GCNT4: variants seen among roughly 807,000 people sequenced by gnomAD.
GCNT4 encodes glucosaminyl (N-acetyl) transferase 4, also known as beta-1,3-galactosyl-O-glycosyl-glycoprotein beta-1,6-N-acetylglucosaminyltransferase 4.
GCNT4 carries 17 observed loss-of-function variants against 31.3 expected under a neutral mutation model. The ratio of observed to expected loss-of-function variants is 0.54; its 90% CI spans 0.37 to 0.81. The LOEUF is 0.81. Among genes scored for constraint, GCNT4 ranks in the 40% least tolerant of loss-of-function variants. The probability of loss-of-function intolerance (pLI) is 0.00; values close to 1 mark genes in which losing one functional copy is unlikely to be tolerated. For synonymous variants in GCNT4, 158 were observed against 190.6 expected (o/e 0.83, Z 1.41); for missense variants, 503 against 525.5 (o/e 0.96, Z 0.42).
chr5:75,034,034 G>A (rs539148097), intron 3 of GCNT4, among the ~76,000 whole-genome samples: 4 of 152,106 alleles, frequency 2.6e-5, no homozygotes, highest in Non-Finnish European at 4.4e-5. Context: ...TTTTATGGCC[G>A]CACAGAAATA....
chr5:75,032,888 T>G (rs904361378), intron 3 of GCNT4, among the ~76,000 whole-genome samples: 1 of 104,542 alleles, frequency 9.6e-6, no homozygotes, highest in South Asian at 3.0e-4. Flanking sequence ...TGTGTGTGTG[T>G]GTGTGTGTGT....
chr5:75,034,143 C>T (rs1743145714), intron 3 of GCNT4, among the ~76,000 whole-genome samples: 1 of 152,224 alleles, frequency 6.6e-6, no homozygotes, highest in Admixed American at 6.5e-5. Flanking sequence ...ATGTTGGCCT[C>T]TTCCCAGCTG....
chr5:75,028,745 C>T lies in GCNT4; in HGVS notation c.1293G>A (p.Gln431=). 1 of 1,613,972 alleles carries T rather than the reference C, an allele frequency of 6.2e-7. No individual in the cohort carries two copies. Among genetic ancestry groups the T allele is most frequent in the Non-Finnish European group, 8.5e-7 (1 of 1,179,952 alleles). Residue 431 remains glutamine (Q), a synonymous_variant, in exon 4 of 4, where the codon CAG becomes CAA. Transcript: ENST00000652361. ...AGGGCAAAGTGATCCAGTCTCTCTG[C>T]TGTTCTTCAAGCTTTTCTGCCAAGC... ...IKCLAEKLEE[Q]QRDWITLPSE...
intron 3 of GCNT4, among the ~76,000 whole-genome samples, chr5:75,036,280 C>G (rs1227410036): frequency 6.6e-6 from 1 of 152,150 alleles, no homozygotes; most frequent in African/African-American, 2.4e-5. Flanking sequence ...GTGCACTATT[C>G]TAAGTACTCT....
chr5:75,053,008 G>C (rs112592638), upstream of GCNT4, among the ~76,000 whole-genome samples: 1 of 151,954 alleles, frequency 6.6e-6, no homozygotes. Context: ...GCCCGGCGCC[G>C]GCGCGCTCGC....
intron 3 of GCNT4, among the ~76,000 whole-genome samples, chr5:75,043,615 C>A (rs1056700445): frequency 5.9e-5 from 9 of 152,108 alleles, no homozygotes; most frequent in Non-Finnish European, 1.0e-4. Flanking sequence ...ACCTTGAGAC[C>A]ATGAGGAACA....
At chr5:75,042,220 C>A (rs1249487592) in intron 3 of GCNT4, among the ~76,000 whole-genome samples, 1 of 152,116 alleles carries the variant, frequency 6.6e-6, no homozygotes, top group African/African-American at 2.4e-5. Flanking sequence ...TTTTATGTTT[C>A]ATGTTCTAAG....
chr5:75,030,005 G>C lies in GCNT4; in HGVS notation c.33C>G (p.Thr11=). 6.2e-7 allele frequency: 1 copy of C among 1,604,960 alleles called. No individual in the cohort carries two copies. Among genetic ancestry groups the C allele is most frequent in the Non-Finnish European group, 8.5e-7 (1 of 1,177,218 alleles). The change falls in exon 4 of 4, where the codon ACC becomes ACG. Residue 11 remains threonine, a synonymous_variant. Transcript: ENST00000652361. MKIFKCYFKH[T]LQQKVFILFL... ...ACAGGATGAAAACTTTCTGCTGTAG[G>C]GTATGTTTAAAATAACATTTGAATA...
rs1284920656 is a variant in GCNT4, at chr5:75,029,379, C to T, written c.659G>A (p.Trp220Ter). 1.2e-6 allele frequency: 2 copies of T among 1,613,944 alleles called. No individual in the cohort carries two copies. The highest frequency in any genetic ancestry group is 1.7e-6 in the Non-Finnish European group (2 of 1,180,006). Residue 220 changes from tryptophan to a stop codon, truncating the protein, a stop_gained, in exon 4 of 4, where the codon TGG (tryptophan) becomes TAG (stop). Coordinates refer to ENST00000652361, the MANE Select transcript of GCNT4 (RefSeq NM_001366737.1). LOFTEE classifies it high-confidence loss of function. Reference sequence around the variant, plus strand: ...CCCACACAAGTTGATAACATATTTCCACTGGATTGAAGACTTCAGAAGGTC... The same window carrying T: ...CCCACACAAGTTGATAACATATTTCTACTGGATTGAAGACTTCAGAAGGTC... The part of the protein sequence containing the change: ...LSDLLKSSIQ[W>*]KYVINLCGQD...
Position 75,046,825 on chromosome 5 carries a change from A to T in GCNT4, c.-2+1072T>A, listed in dbSNP as rs567420244. Among the ~76,000 whole-genome samples the T allele has an allele frequency of 2.6e-5, 4 of 152,370 alleles. No individual in the cohort carries two copies. The South Asian group carries it at 8.3e-4, about 32-fold the overall frequency. ...TACGCCACTCTGATATTGACTTTTGAGTTAACGGCACTTGCAAAATAGCAG... is the reference window on the plus strand; with the variant it reads ...TACGCCACTCTGATATTGACTTTTGTGTTAACGGCACTTGCAAAATAGCAG... On this transcript the variant is annotated intron_variant, in intron 3 of 3. Transcript: ENST00000652361.
In GCNT4 at chr5:75,047,954, G is replaced by T. The variant is rs1435735896; in HGVS notation, c.-59C>A. 2 of 152,152 alleles carry T rather than the reference G, an allele frequency of 1.3e-5. No homozygotes were observed. Among genetic ancestry groups the T allele is most frequent in the African/African-American group, 4.8e-5 (2 of 41,448 alleles). 9.4% of individuals were successfully genotyped at this position (152,152 alleles called of 1,614,324 possible). Reference sequence around the variant, plus strand: ...GATGGTATAAACAGCGTAGGGAAAGGAACATCACCGTCAGTTACTGAGGAG... The same window carrying T: ...GATGGTATAAACAGCGTAGGGAAAGTAACATCACCGTCAGTTACTGAGGAG... On this transcript the variant is annotated 5_prime_UTR_variant, in exon 3 of 4. Coordinates refer to ENST00000652361, the MANE Select transcript of GCNT4 (RefSeq NM_001366737.1).
chr5:75,019,969 C>T, the GCNT4 span, among the ~76,000 whole-genome samples: 1 of 152,212 alleles, frequency 6.6e-6, no homozygotes, highest in African/African-American at 2.4e-5. Context: ...AAAATGGTTT[C>T]ACTGTTAGAC....
In GCNT4 at chr5:75,027,420, ATT is replaced by A. The variant is rs1409236156; in HGVS notation, c.*1254_*1255del. 1 of 142,724 alleles carries A rather than the reference ATT, an allele frequency of 7.0e-6. No homozygotes were observed. Among genetic ancestry groups the A allele is most frequent in the Non-Finnish European group, 1.5e-5 (1 of 66,006 alleles). 8.8% of individuals were successfully genotyped at this position (142,724 alleles called of 1,614,324 possible). A position where few individuals can be genotyped will look rare whatever the true frequency, so the allele number is the denominator to read the frequency against. On this transcript the variant is annotated 3_prime_UTR_variant, in exon 4 of 4. Transcript: ENST00000652361. The stretch of plus-strand genomic sequence containing the variant: ...TATATAATATATAACATAAATATAT[ATT>A]ACATATATATAAAATATATATTATA...
At chr5:75,042,735 G>A (rs1743348673) in intron 3 of GCNT4, among the ~76,000 whole-genome samples, 1 of 152,166 alleles carries the variant, frequency 6.6e-6, no homozygotes, top group African/African-American at 2.4e-5. Flanking sequence ...ATGTGGTGGG[G>A]AGCTCAGCTG....
At chr5:75,051,698 G>A (rs1293074911) in intron 2 of GCNT4, among the ~76,000 whole-genome samples, 2 of 152,198 alleles carry the variant, frequency 1.3e-5, no homozygotes, top group Admixed American at 1.3e-4. Flanking sequence ...GCCATAAAGT[G>A]CTAACTCTGA....
intron 3 of GCNT4, among the ~76,000 whole-genome samples, chr5:75,038,656 G>A (rs190227448): frequency 2.0e-5 from 3 of 152,174 alleles, no homozygotes; most frequent in Non-Finnish European, 1.5e-5. Context: ...ACGGGCAAAG[G>A]GGGGGAGAGG....
At chr5:75,041,616 C>T (rs1025954084) in intron 3 of GCNT4, among the ~76,000 whole-genome samples, 4 of 152,124 alleles carry the variant, frequency 2.6e-5, no homozygotes, top group African/African-American at 7.2e-5. Flanking sequence ...AATGAGTAAC[C>T]CACATCAGGA....
rs1023124299 is a variant in GCNT4 at position 75,026,352 on chromosome 5, G to C, written c.*2324C>G. 6.6e-6 allele frequency: 1 copy of C among 152,080 alleles called. No individual in the cohort carries two copies. The highest frequency in any genetic ancestry group is 2.4e-5 in the African/African-American group (1 of 41,398). The allele number at this position is 152,080 out of a possible 1,614,324, so 9.4% of individuals were successfully genotyped here. A position where few individuals can be genotyped will look rare whatever the true frequency, so the allele number is the denominator to read the frequency against. On this transcript the variant is annotated 3_prime_UTR_variant, in exon 4 of 4. Transcript: ENST00000652361. The stretch of plus-strand genomic sequence containing the variant: ...ATCCTAGATGGTGGGAAAAGTATTT[G>C]TAGCCCCATTCTCAATGTGTCACTG...
chr5:75,024,099 C>T (rs904744190), downstream of GCNT4, among the ~76,000 whole-genome samples: 1 of 152,176 alleles, frequency 6.6e-6, no homozygotes, highest in Non-Finnish European at 1.5e-5. Flanking sequence ...TTCTCTCTTG[C>T]CACAGTTTCC....
Sources: gnomAD v4.1 joint callset for allele counts (sites outside exome capture counted in the v4.1 genomes callset) on GRCh38, gnomAD v4.1.1 for gene constraint, MANE v1.5 for transcripts, NCBI Gene and HGNC (gene_info 2026-07-23, HGNC 2026-07-21) for gene names.